The following AOAH variants were observed in gnomAD, a reference collection of about 807,000 sequenced individuals.
AOAH encodes acyloxyacyl hydrolase (neutrophil).
Under a neutral mutation model 92.2 loss-of-function variants are expected in AOAH, and 64 were observed. The observed-to-expected ratio is 0.69, with a 90% CI of 0.57 to 0.86. The LOEUF (loss-of-function observed/expected upper bound fraction) is 0.86, where lower values mean the gene tolerates loss of function less well. Ranked by LOEUF, AOAH falls within the 40% of genes least tolerant of loss-of-function variation. The pLI, the probability that AOAH is intolerant of heterozygous loss-of-function variation, is 0.00. For synonymous variants in AOAH, 263 were observed against 254.5 expected (o/e 1.03, Z -0.32); for missense variants, 656 against 694.6 (o/e 0.94, Z 0.62).
At chr7:36,632,248 C>CTTG (rs1793172529) in intron 5 of AOAH, 142 bp from the exon 6 acceptor site, 1 of 687,264 alleles carries the variant, frequency 1.5e-6, no homozygotes, top group African/African-American at 1.8e-5. Flanking sequence ...AAATTTACCT[C>CTTG]TTGTTCCTGT....
intron 13 of AOAH, among the ~76,000 whole-genome samples, chr7:36,573,489 T>G (rs907137315): frequency 6.6e-6 from 1 of 152,166 alleles, no homozygotes; most frequent in Non-Finnish European, 1.5e-5. Context: ...AGGCCGAGGC[T>G]GGTGGATCAC....
chr7:36,601,111 G>T (rs903639321), intron 11 of AOAH, among the ~76,000 whole-genome samples: 3 of 152,190 alleles, frequency 2.0e-5, no homozygotes, highest in African/African-American at 7.2e-5. Context: ...GGCAGAGGAA[G>T]TTCTGGGAGA....
At chr7:36,680,105 C>G (rs935283570) in intron 2 of AOAH, among the ~76,000 whole-genome samples, 6 of 152,020 alleles carry the variant, frequency 3.9e-5, no homozygotes, top group African/African-American at 1.5e-4. Context: ...ATAGGTGACC[C>G]AGGAAAGTGA....
chr7:36,543,232 C>G (rs1202890702), intron 15 of AOAH, among the ~76,000 whole-genome samples: 1 of 152,158 alleles, frequency 6.6e-6, no homozygotes, highest in Admixed American at 6.5e-5. Flanking sequence ...GACTAGGTTG[C>G]CTACCTACTA....
chr7:36,568,267 C>G (rs1467267675), intron 13 of AOAH, among the ~76,000 whole-genome samples: 1 of 152,188 alleles, frequency 6.6e-6, no homozygotes, highest in Non-Finnish European at 1.5e-5. Flanking sequence ...GAGTCCTTCT[C>G]TTCCTGGTAC....
intron 1 of AOAH, among the ~76,000 whole-genome samples, chr7:36,696,622 G>C (rs1797726532): frequency 6.6e-6 from 1 of 152,162 alleles, no homozygotes; most frequent in Non-Finnish European, 1.5e-5. Flanking sequence ...AGCACTTTGG[G>C]AGGCTGAGGC....
chr7:36,607,036 C>A (rs1361053215), intron 11 of AOAH, among the ~76,000 whole-genome samples: 1 of 152,170 alleles, frequency 6.6e-6, no homozygotes, highest in Non-Finnish European at 1.5e-5. Context: ...CAGATGAATA[C>A]ACTCCTAATC....
rs550607485 is a variant in AOAH, at chr7:36,693,782, G to A, written c.128-6988C>T. On this transcript the variant is annotated intron_variant, in intron 1 of 20. Coordinates refer to ENST00000617537, the MANE Select transcript of AOAH (RefSeq NM_001637.4). ...TGACATTTTTGAGACTTTTTAATTG[G>A]TACCTATGTCTGTTGAGAAATACCA... is the stretch of plus-strand genomic sequence containing the variant. Among the ~76,000 whole-genome samples the A allele has an allele frequency of 8.5e-5, 13 of 152,184 alleles. No homozygotes were observed. The South Asian group carries it at 2.5e-3, about 29-fold the overall frequency.
intron 5 of AOAH, among the ~76,000 whole-genome samples, chr7:36,633,748 C>G (rs2116261501): frequency 6.6e-6 from 1 of 152,232 alleles, no homozygotes; most frequent in East Asian, 1.9e-4. Flanking sequence ...AAAGATGTCT[C>G]TAGGCGTGGG....
At chr7:36,592,765 C>T (rs902785788) in intron 12 of AOAH, among the ~76,000 whole-genome samples, 1 of 152,206 alleles carries the variant, frequency 6.6e-6, no homozygotes, top group Admixed American at 6.5e-5. Flanking sequence ...ATACAACACT[C>T]AGTAAATGCT....
At chr7:36,615,189 C>G (rs999248380) in intron 11 of AOAH, among the ~76,000 whole-genome samples, 6 of 152,196 alleles carry the variant, frequency 3.9e-5, no homozygotes, top group African/African-American at 1.4e-4. Context: ...GTGATTCCAT[C>G]TGCATAGGAG....
chr7:36,568,043 T>C (rs1454610385), intron 13 of AOAH, among the ~76,000 whole-genome samples: 1 of 152,186 alleles, frequency 6.6e-6, no homozygotes, highest in Non-Finnish European at 1.5e-5. Flanking sequence ...CATGAGACCA[T>C]CCTACGATGT....
chr7:36,670,262 T>C (rs1320240827), intron 3 of AOAH, among the ~76,000 whole-genome samples: 6 of 152,178 alleles, frequency 3.9e-5, no homozygotes, highest in Admixed American at 3.9e-4. Context: ...TTTCAGGCTC[T>C]CCATCAATCT....
intron 4 of AOAH, 77 bp from the exon 5 acceptor site, chr7:36,637,987 T>G: frequency 1.6e-6 from 2 of 1,231,808 alleles, no homozygotes; most frequent in Non-Finnish European, 2.3e-6. Flanking sequence ...AATTAGGATA[T>G]TTAAAGTCCA....
rs141168231 is a variant in AOAH, at chr7:36,632,415, T to C, written c.451-309A>G. 4.7e-4 allele frequency among the ~76,000 whole-genome samples: 72 copies of C among 151,970 alleles called. 1 individual carries two copies. The highest frequency in any genetic ancestry group is 1.7e-3 in the African/African-American group (70 of 41,542). On this transcript the variant is annotated intron_variant, in intron 5 of 20. Coordinates refer to ENST00000617537, the MANE Select transcript of AOAH (RefSeq NM_001637.4). ...GGAGGGTCCGGCAACAGCATTCCTC[T>C]ACCCAAGTGCTTTAAAAATAAAGAA...
chr7:36,673,374 C>G (rs1018844014), intron 3 of AOAH, among the ~76,000 whole-genome samples: 1 of 149,920 alleles, frequency 6.7e-6, no homozygotes, highest in East Asian at 2.0e-4. Flanking sequence ...CCCATCTCTA[C>G]TAAGAATACA....
chr7:36,680,319 A>G (rs1796565075), intron 2 of AOAH, among the ~76,000 whole-genome samples: 1 of 152,264 alleles, frequency 6.6e-6, no homozygotes, highest in South Asian at 2.1e-4. Flanking sequence ...GCACAGGGAA[A>G]GGCAACATGA....
At position 36,696,986 on chromosome 7, in the gene AOAH, G is replaced by T. The variant is rs1797757651; in HGVS notation, c.128-10192C>A. 2.0e-5 allele frequency among the ~76,000 whole-genome samples: 3 copies of T among 152,038 alleles called. No homozygotes were observed. In the South Asian group the frequency reaches 6.2e-4, roughly 32 times the overall value. On this transcript the variant is annotated intron_variant, in intron 1 of 20. Transcript: ENST00000617537. Reference sequence around the variant, plus strand: ...TTCTATATTTAGGATTATGTTGTCTGACAATACAGTTTTACTTACTCCTTT... The same window carrying T: ...TTCTATATTTAGGATTATGTTGTCTTACAATACAGTTTTACTTACTCCTTT...
rs923737190 is a variant in AOAH at position 36,615,858 on chromosome 7, C to T, written c.846+522G>A. 2.0e-5 allele frequency among the ~76,000 whole-genome samples: 3 copies of T among 151,714 alleles called. No individual in the cohort carries two copies. The South Asian group carries it at 6.2e-4, about 31-fold the overall frequency. ...TCTTTGCCTTCTCTGTCATTGTTTG[C>T]AATTTTGCCTTGTGGCCCTCTTCTT... On this transcript the variant is annotated intron_variant, in intron 11 of 20. Coordinates refer to ENST00000617537, the MANE Select transcript of AOAH (RefSeq NM_001637.4).
Sources: allele counts gnomAD v4.1 joint callset (sites outside exome capture counted in the v4.1 genomes callset), GRCh38; gene constraint gnomAD v4.1.1; transcripts MANE v1.5; gene names NCBI Gene and HGNC (gene_info 2026-07-23, HGNC 2026-07-21).